Variants in PPEF1 observed in about 807,000 individuals in gnomAD.
The protein encoded by PPEF1 is serine/threonine-protein phosphatase with EF-hands 1.
Under a neutral mutation model 53.3 loss-of-function variants are expected in PPEF1, and 12 were observed. The ratio of observed to expected loss-of-function variants is 0.23; its 90% CI spans 0.14 to 0.36. The LOEUF (loss-of-function observed/expected upper bound fraction) is 0.36, where lower values mean the gene tolerates loss of function less well. Among genes scored for constraint, PPEF1 ranks in the 10% least tolerant of loss-of-function variants. The pLI, the probability that PPEF1 is intolerant of heterozygous loss-of-function variation, is 1.00. For missense variants in PPEF1, 334 were observed against 490.4 expected (o/e 0.68, Z 3.01); for synonymous variants, 165 against 176.7 (o/e 0.93, Z 0.52).
At chrX:18,804,720 G>A (rs911279557) in intron 11 of PPEF1, among the ~76,000 whole-genome samples, 1 of 112,200 alleles carries the variant, frequency 8.9e-6, no homozygotes, top group African/African-American at 3.2e-5. Context: ...CTCACAGAGC[G>A]CATAAAAGGC....
At chrX:18,774,614 G>A (rs751565138) in intron 6 of PPEF1, among the ~76,000 whole-genome samples, 7 of 112,410 alleles carry the variant, frequency 6.2e-5, no homozygotes, top group Non-Finnish European at 1.1e-4. Flanking sequence ...ACATTTGCAT[G>A]TCTGTCTTTC....
At chrX:18,733,501 C>A (rs1390063048) in intron 2 of PPEF1, among the ~76,000 whole-genome samples, 1 of 111,972 alleles carries the variant, frequency 8.9e-6, no homozygotes, top group East Asian at 2.8e-4. Context: ...TGGGCTGTTA[C>A]ACCCTTGCTT....
At chrX:18,745,338 C>T (rs759705436) in intron 3 of PPEF1, among the ~76,000 whole-genome samples, 80 of 104,960 alleles carry the variant, frequency 7.6e-4, no homozygotes, top group African/African-American at 2.6e-3. Context: ...CTCAGGCTCC[C>T]GAGTAGCTGG....
chrX:18,727,705 AAGACC>A (rs2044740252), intron 1 of PPEF1, among the ~76,000 whole-genome samples: 1 of 110,898 alleles, frequency 9.0e-6, no homozygotes, highest in African/African-American at 3.3e-5. Flanking sequence ...GTTGCAAGTT[AAGACC>A]TCCAGAACTT....
At chrX:18,733,956 A>G (rs2044900367) in intron 3 of PPEF1, 148 bp downstream of exon 3, 1 of 446,519 alleles carries the variant, frequency 2.2e-6, no homozygotes, top group Non-Finnish European at 3.7e-6. Flanking sequence ...AACTGGCAAC[A>G]TCAGTTCAAG....
Position 18,827,598 on chromosome X carries a change from C to A in PPEF1, c.*111C>A, listed in dbSNP as rs1176733388. On this transcript the variant is annotated 3_prime_UTR_variant, in exon 16 of 16. Transcript: ENST00000470157. ...TAGTCAGTAGCAGAGAAAAGCAGATCCCAATTCATCCCACAAACAGATGCA... is the reference window on the plus strand; with the variant it reads ...TAGTCAGTAGCAGAGAAAAGCAGATACCAATTCATCCCACAAACAGATGCA... 2.9e-5 allele frequency: 17 copies of A among 585,521 alleles called. No individual in the cohort carries two copies. The highest frequency in any genetic ancestry group is 4.6e-5 in the Non-Finnish European group (17 of 367,616). The allele number at this position is 585,521 out of a possible 1,213,427, so 48.3% of individuals were successfully genotyped here.
chrX:18,715,489 A>G (rs946910671), intron 1 of PPEF1, among the ~76,000 whole-genome samples: 1 of 111,578 alleles, frequency 9.0e-6, no homozygotes, highest in African/African-American at 3.3e-5. Context: ...AGCCAAGATC[A>G]TGCCACTGCA....
chrX:18,771,885 T>C (rs2045876980), intron 6 of PPEF1, among the ~76,000 whole-genome samples: 2 of 111,392 alleles, frequency 1.8e-5, no homozygotes, highest in Non-Finnish European at 3.8e-5. Context: ...GAGGTTGAGG[T>C]GGGTGGATCA....
chrX:18,749,768 C>G (rs771636575), intron 3 of PPEF1, 24 bp from the exon 4 acceptor site: 3 of 499,550 alleles, frequency 6.0e-6, no homozygotes, highest in African/African-American at 2.8e-5. Context: ...CCCCCACCCC[C>G]CCGTTCTGTC....
chrX:18,823,638 A>T (rs1323601625), intron 13 of PPEF1, among the ~76,000 whole-genome samples: 1 of 101,366 alleles, frequency 9.9e-6, no homozygotes, highest in Non-Finnish European at 1.9e-5. Flanking sequence ...AAAAAAAAAA[A>T]TAAATAAATA....
chrX:18,725,646 A>C (rs1411873719), intron 1 of PPEF1, among the ~76,000 whole-genome samples: 1 of 111,601 alleles, frequency 9.0e-6, no homozygotes, highest in Admixed American at 9.5e-5. Flanking sequence ...CCTCAGCACC[A>C]CTGTGCTGAC....
chrX:18,811,605 ATATATATATATTT>A (rs1443651428), intron 12 of PPEF1, among the ~76,000 whole-genome samples: 46 of 16,793 alleles, frequency 2.7e-3, no homozygotes, highest in African/African-American at 8.9e-3. Flanking sequence ...ATATATATAT[ATATATATATATTT>A]TTTTTTTTTT....
intron 3 of PPEF1, among the ~76,000 whole-genome samples, chrX:18,734,531 A>T (rs187909942): frequency 0.017 from 1,935 of 110,969 alleles, 52 homozygotes; most frequent in African/African-American, 0.06. Context: ...TCTATCATTG[A>T]TGGACATTTG....
intron 12 of PPEF1, among the ~76,000 whole-genome samples, chrX:18,814,440 C>G (rs2147730618): frequency 8.9e-6 from 1 of 112,213 alleles, no homozygotes; most frequent in South Asian, 3.7e-4. Context: ...AGTGACTGAA[C>G]TAGTTTGCAT....
rs749519012 is a variant in PPEF1, at chrX:18,827,259, C to T, written c.1751-17C>T. 2.5e-6 allele frequency: 3 copies of T among 1,185,383 alleles called. No homozygotes were observed. The highest frequency in any genetic ancestry group is 3.5e-5 in the African/African-American group (2 of 56,598). ...TCTTAAAATGAACACTCACAACCTT[C>T]TCCTATATTCTTTTAGGCCTGATCT... On this transcript the variant is annotated splice_polypyrimidine_tract_variant and intron_variant, in intron 15 of 15. Transcript: ENST00000470157.
chrX:18,821,498 A>C (rs957381095), intron 13 of PPEF1, among the ~76,000 whole-genome samples: 4 of 110,806 alleles, frequency 3.6e-5, no homozygotes, highest in South Asian at 3.8e-4. Flanking sequence ...ACCTCCGCCT[A>C]CCAGGTTAAA....
At chrX:18,778,841 C>T (rs759833541) in intron 6 of PPEF1, among the ~76,000 whole-genome samples, 169 bp from the exon 7 acceptor site, 24 of 111,147 alleles carry the variant, frequency 2.2e-4, no homozygotes, top group Non-Finnish European at 3.8e-4. Flanking sequence ...GCAGGAGATG[C>T]CTGCCGTGGA....
At chrX:18,787,709 C>T (rs1275751778) in intron 9 of PPEF1, among the ~76,000 whole-genome samples, 1 of 100,494 alleles carries the variant, frequency 1.0e-5, no homozygotes, top group African/African-American at 3.7e-5. Context: ...CACTTGAGAC[C>T]AGAAGTTCGA....
At chrX:18,740,346 C>G (rs1192718723) in intron 3 of PPEF1, among the ~76,000 whole-genome samples, 1 of 110,895 alleles carries the variant, frequency 9.0e-6, no homozygotes, top group African/African-American at 3.3e-5. Flanking sequence ...TGCAGCAGAT[C>G]TAGGGGAAAA....
Sources: allele counts gnomAD v4.1 joint callset (sites outside exome capture counted in the v4.1 genomes callset), GRCh38; gene constraint gnomAD v4.1.1; transcripts MANE v1.5; gene names NCBI Gene and HGNC (gene_info 2026-07-23, HGNC 2026-07-21).